PACRG: variants seen among roughly 807,000 people sequenced by gnomAD.
PACRG encodes parkin coregulated gene protein.
In PACRG, 29 loss-of-function variants were observed where a neutral mutation model predicts 29.7. The observed-to-expected ratio is 0.98, with a 90% CI of 0.73 to 1.33. The LOEUF (loss-of-function observed/expected upper bound fraction) is 1.33. Among genes scored for constraint, PACRG ranks in the 40% most tolerant of loss-of-function variants. The probability of loss-of-function intolerance (pLI) is 0.00; values close to 1 mark genes in which losing one functional copy is unlikely to be tolerated. For missense variants in PACRG, 279 were observed against 316.2 expected, an observed-to-expected ratio of 0.88 and a Z score of 0.89; for synonymous variants, 116 against 118.7, an observed-to-expected ratio of 0.98 and a Z score of 0.15.
intron 2 of PACRG, among the ~76,000 whole-genome samples, chr6:162,856,253 C>A (rs967226609): frequency 6.6e-6 from 1 of 152,008 alleles, no homozygotes; most frequent in Non-Finnish European, 1.5e-5. Flanking sequence ...GAGATAGGGT[C>A]TCACTCTTTT....
intron 2 of PACRG, among the ~76,000 whole-genome samples, chr6:162,821,407 A>T (rs1787828849): frequency 6.6e-6 from 1 of 152,252 alleles, no homozygotes; most frequent in Non-Finnish European, 1.5e-5. Flanking sequence ...AAGACAATTC[A>T]CATTACCAGG....
intron 4 of PACRG, among the ~76,000 whole-genome samples, chr6:163,102,559 A>G (rs944423574): frequency 4.6e-5 from 7 of 152,134 alleles, no homozygotes; most frequent in African/African-American, 1.7e-4. Context: ...AATTTCTAAG[A>G]GTATTTTTTT....
intron 4 of PACRG, among the ~76,000 whole-genome samples, chr6:163,181,721 T>A (rs1490004285): frequency 1.3e-5 from 2 of 152,146 alleles, no homozygotes; most frequent in East Asian, 3.9e-4. Context: ...GTACAGTAGT[T>A]TGGGGTTTTT....
chr6:162,886,811 C>A (rs1326207234), intron 2 of PACRG, among the ~76,000 whole-genome samples: 1 of 151,938 alleles, frequency 6.6e-6, no homozygotes, highest in Non-Finnish European at 1.5e-5. Context: ...GAACAAGAAC[C>A]CAAAATTCTA....
intron 4 of PACRG, among the ~76,000 whole-genome samples, chr6:163,195,724 C>T (rs1585322263): frequency 6.6e-6 from 1 of 152,146 alleles, no homozygotes; most frequent in African/African-American, 2.4e-5. Flanking sequence ...CCTGCCCTGC[C>T]GGGAAATGGA....
intron 2 of PACRG, among the ~76,000 whole-genome samples, chr6:163,015,390 G>A (rs929679563): frequency 2.0e-5 from 3 of 152,154 alleles, no homozygotes; most frequent in African/African-American, 7.2e-5. Context: ...TGTGAAAAAC[G>A]ACATTTGTAG....
chr6:162,978,394 A>G (rs1418631877), intron 2 of PACRG, among the ~76,000 whole-genome samples: 1 of 152,128 alleles, frequency 6.6e-6, no homozygotes, highest in African/African-American at 2.4e-5. Context: ...TACCAGTTTT[A>G]TTTTAGAAAA....
Position 163,090,276 on chromosome 6 carries a change from A to G in PACRG, c.613+868A>G, listed in dbSNP as rs555372339. The G allele has an allele frequency of 2.0e-5, 3 of 152,314 alleles. No individual in the cohort carries two copies. The East Asian group carries it at 5.8e-4, about 29-fold the overall frequency. The allele number at this position is 152,314 out of a possible 1,614,324, so 9.4% of individuals were successfully genotyped here. A position where few individuals can be genotyped will look rare whatever the true frequency, so the allele number is the denominator to read the frequency against. The stretch of plus-strand genomic sequence containing the variant: ...TTTTTTATATTATTACTCAATTGCT[A>G]TTATGTCTGCTCCAGGCATAGACTA... On this transcript the variant is annotated intron_variant, in intron 4 of 4. Coordinates refer to ENST00000366888, the MANE Select transcript of PACRG (RefSeq NM_001080379.2).
At chr6:162,963,583 T>C (rs756944667) in intron 2 of PACRG, among the ~76,000 whole-genome samples, 4 of 150,346 alleles carry the variant, frequency 2.7e-5, no homozygotes, top group Non-Finnish European at 5.9e-5. Context: ...TGTAAATTTG[T>C]AATTATACAT....
intron 4 of PACRG, among the ~76,000 whole-genome samples, chr6:163,292,321 C>T (rs1784639344): frequency 6.6e-6 from 1 of 152,174 alleles, no homozygotes; most frequent in Admixed American, 6.5e-5. Flanking sequence ...TTTCATGGAA[C>T]CACATTTGCA....
chr6:162,765,925 G>T (rs1782751787), intron 1 of PACRG, among the ~76,000 whole-genome samples: 1 of 152,112 alleles, frequency 6.6e-6, no homozygotes, highest in African/African-American at 2.4e-5. Context: ...TTTTTAAGAA[G>T]TTTTATTTTA....
At chr6:163,163,587 G>C (rs1460061145) in intron 4 of PACRG, among the ~76,000 whole-genome samples, 1 of 152,116 alleles carries the variant, frequency 6.6e-6, no homozygotes, top group Admixed American at 6.5e-5. Context: ...CTCCACTTTT[G>C]AGCTAGATTT....
Position 163,106,155 on chromosome 6 carries a change from A to G in PACRG, c.613+16747A>G, listed in dbSNP as rs955186561. Among the ~76,000 whole-genome samples the G allele has an allele frequency of 3.3e-5, 5 of 152,162 alleles. No homozygotes were observed. The East Asian group carries it at 5.8e-4, about 18-fold the overall frequency. ...TGAGAAAATGAATGCAGAGAGATAA[A>G]GTAATTTTCAAACTGTCAATCAGTT... On this transcript the variant is annotated intron_variant, in intron 4 of 4. Transcript: ENST00000366888.
intron 4 of PACRG, among the ~76,000 whole-genome samples, chr6:163,284,747 A>T (rs1291483823): frequency 6.6e-6 from 1 of 151,800 alleles, no homozygotes; most frequent in African/African-American, 2.4e-5. Context: ...CTCGGCCTTC[A>T]TGTGTCCAAA....
chr6:163,251,524 G>A (rs576406981), intron 4 of PACRG, among the ~76,000 whole-genome samples: 1 of 152,184 alleles, frequency 6.6e-6, no homozygotes, highest in Non-Finnish European at 1.5e-5. Context: ...CTTTCTATGG[G>A]GTCCTGATTT....
chr6:163,028,117 G>T (rs1216092351), intron 2 of PACRG, among the ~76,000 whole-genome samples: 1 of 152,136 alleles, frequency 6.6e-6, no homozygotes, highest in African/African-American at 2.4e-5. Context: ...GGTTCATTTG[G>T]GTGAACCCCA....
chr6:163,023,946 G>A (rs529801369), intron 2 of PACRG, among the ~76,000 whole-genome samples: 1 of 152,186 alleles, frequency 6.6e-6, no homozygotes, highest in East Asian at 1.9e-4. Flanking sequence ...TTGTTCAATT[G>A]TTTAAGTTCC....
At chr6:163,026,356 T>C (rs1180611346) in intron 2 of PACRG, among the ~76,000 whole-genome samples, 1 of 152,240 alleles carries the variant, frequency 6.6e-6, no homozygotes, top group East Asian at 1.9e-4. Flanking sequence ...CCAAAAATTA[T>C]TTTGGTGCAG....
chr6:162,989,406 A>C (rs1380372503), intron 2 of PACRG, among the ~76,000 whole-genome samples: 1 of 152,230 alleles, frequency 6.6e-6, no homozygotes, highest in Non-Finnish European at 1.5e-5. Flanking sequence ...GGTTTGTTCC[A>C]GGACCCCTTT....
Sources: allele counts gnomAD v4.1 joint callset (sites outside exome capture counted in the v4.1 genomes callset), GRCh38; gene constraint gnomAD v4.1.1; transcripts MANE v1.5; gene names NCBI Gene and HGNC (gene_info 2026-07-23, HGNC 2026-07-21).